Variants in PDLIM5 observed in about 807,000 individuals in gnomAD.
PDLIM5 encodes the protein PDZ and LIM domain protein 5.
Under a neutral mutation model 64.2 loss-of-function variants are expected in PDLIM5, and 34 were observed. That is an observed-to-expected ratio of 0.53 (90% CI 0.40 to 0.71). The LOEUF (loss-of-function observed/expected upper bound fraction) is 0.71, where lower values mean the gene tolerates loss of function less well. Among genes scored for constraint, PDLIM5 ranks in the 30% least tolerant of loss-of-function variants. PDLIM5 has a pLI of 0.00. For missense variants in PDLIM5, 683 were observed against 733.6 expected, an observed-to-expected ratio of 0.93 and a Z score of 0.80; for synonymous variants, 253 against 269.1, an observed-to-expected ratio of 0.94 and a Z score of 0.59.
At chr4:94,555,006 A>G (rs910148885) in intron 3 of PDLIM5, among the ~76,000 whole-genome samples, 4 of 147,388 alleles carry the variant, frequency 2.7e-5, no homozygotes, top group African/African-American at 9.7e-5. Context: ...AGCACATTTC[A>G]GGTAGGCTAA....
intron 9 of PDLIM5, among the ~76,000 whole-genome samples, chr4:94,650,688 T>C (rs1741775047): frequency 6.6e-6 from 1 of 152,222 alleles, no homozygotes; most frequent in East Asian, 1.9e-4. Context: ...GCATCAGATT[T>C]TGAGGCTAAA....
intron 2 of PDLIM5, among the ~76,000 whole-genome samples, chr4:94,499,510 A>G (rs963951522): frequency 9.9e-5 from 15 of 152,220 alleles, no homozygotes; most frequent in Admixed American, 7.9e-4. Context: ...AAAGAAAAGA[A>G]CCTAATACTG....
chr4:94,567,957 TAAG>T (rs986359236), intron 3 of PDLIM5, among the ~76,000 whole-genome samples: 6 of 152,178 alleles, frequency 3.9e-5, no homozygotes, highest in African/African-American at 1.4e-4. Context: ...GTAGAGGAGA[TAAG>T]AAGAATTTAA....
chr4:94,525,700 T>C (rs1231696599), intron 3 of PDLIM5, among the ~76,000 whole-genome samples: 1 of 152,222 alleles, frequency 6.6e-6, no homozygotes, highest in Non-Finnish European at 1.5e-5. Flanking sequence ...CAGATCTATT[T>C]TGAGGTATTG....
chr4:94,588,479 C>G (rs1364976727), intron 7 of PDLIM5, among the ~76,000 whole-genome samples: 1 of 152,064 alleles, frequency 6.6e-6, no homozygotes, highest in East Asian at 1.9e-4. Context: ...AGGAGAATCG[C>G]TTGAACCCGG....
chr4:94,494,531 C>T (rs936145565), intron 2 of PDLIM5, among the ~76,000 whole-genome samples: 1 of 145,040 alleles, frequency 6.9e-6, no homozygotes, highest in African/African-American at 2.5e-5. Context: ...CCCCTGCCTT[C>T]TGAGTTCAAG....
intron 8 of PDLIM5, among the ~76,000 whole-genome samples, chr4:94,627,351 G>C (rs572339330): frequency 6.6e-6 from 1 of 152,190 alleles, no homozygotes; most frequent in South Asian, 2.1e-4. Flanking sequence ...ATTTATTTGC[G>C]TGTTGGAAGC....
intron 2 of PDLIM5, chr4:94,456,249 A>G (rs899312806): frequency 1.3e-5 from 6 of 470,760 alleles, no homozygotes; most frequent in African/African-American, 6.0e-5. Context: ...CCCAGGCTGG[A>G]GTGCAGTGGC....
intron 7 of PDLIM5, among the ~76,000 whole-genome samples, chr4:94,601,123 A>C (rs1423887260): frequency 6.6e-6 from 1 of 152,134 alleles, no homozygotes; most frequent in Non-Finnish European, 1.5e-5. Flanking sequence ...CAAAAATATC[A>C]TGGACTGGGT....
In PDLIM5 at chr4:94,478,180, C is replaced by G. The variant is rs528640140; in HGVS notation, c.96+22796C>G. On this transcript the variant is annotated intron_variant, in intron 2 of 12. Transcript: ENST00000317968. The stretch of plus-strand genomic sequence containing the variant: ...CCGAGGCAGGAGAATTGCTTGAACC[C>G]GGGAGGCGGAGGTTGCAGTGAGCCA... Among the ~76,000 whole-genome samples, 4 of 149,118 alleles carry G rather than the reference C, an allele frequency of 2.7e-5. No homozygotes were observed. In the South Asian group the frequency reaches 8.5e-4, roughly 32 times the overall value.
At chr4:94,610,287 TATTGCTACAAAAAC>T in intron 7 of PDLIM5, 1 of 1,516,994 alleles carries the variant, frequency 6.6e-7, no homozygotes, top group Non-Finnish European at 8.8e-7. Context: ...TGTCTGCTGT[TATTGCTACAAAAAC>T]CAGGTAGAAC....
chr4:94,586,341 A>T, intron 6 of PDLIM5, 67 bp from the exon 7 acceptor site: 1 of 832,862 alleles, frequency 1.2e-6, no homozygotes, highest in Non-Finnish European at 2.0e-6. Flanking sequence ...TGGTGCAGGT[A>T]ATTGCTTAAG....
intron 3 of PDLIM5, among the ~76,000 whole-genome samples, chr4:94,561,456 TGAGAG>T (rs1733836991): frequency 6.6e-6 from 1 of 152,256 alleles, no homozygotes; most frequent in African/African-American, 2.4e-5. Context: ...ATCATTATCT[TGAGAG>T]GAGTCAGTAA....
At chr4:94,597,096 C>T (rs1459171319) in intron 7 of PDLIM5, among the ~76,000 whole-genome samples, 1 of 152,060 alleles carries the variant, frequency 6.6e-6, no homozygotes, top group Non-Finnish European at 1.5e-5. Context: ...GTTAGTGGTA[C>T]ACACTTATTT....
At chr4:94,592,785 C>T (rs1220067901) in intron 7 of PDLIM5, among the ~76,000 whole-genome samples, 1 of 152,084 alleles carries the variant, frequency 6.6e-6, no homozygotes, top group African/African-American at 2.4e-5. Flanking sequence ...CACCACCACA[C>T]CTGGCTAATT....
chr4:94,452,897 C>A (rs1057384443), intron 1 of PDLIM5, among the ~76,000 whole-genome samples: 33 of 152,238 alleles, frequency 2.2e-4, no homozygotes, highest in African/African-American at 7.5e-4. Flanking sequence ...CTGTCGGCTG[C>A]TTTCATCCTG....
At chr4:94,565,500 A>G (rs2080805348) in intron 3 of PDLIM5, among the ~76,000 whole-genome samples, 1 of 152,166 alleles carries the variant, frequency 6.6e-6, no homozygotes, top group Non-Finnish European at 1.5e-5. Flanking sequence ...GATAGTTGTA[A>G]TGGGGACCAT....
intron 8 of PDLIM5, among the ~76,000 whole-genome samples, chr4:94,618,402 A>G (rs867024297): frequency 6.6e-6 from 1 of 152,228 alleles, no homozygotes; most frequent in African/African-American, 2.4e-5. Context: ...CGCATTTGCT[A>G]TTCATAATTG....
intron 3 of PDLIM5, among the ~76,000 whole-genome samples, chr4:94,566,718 A>G (rs908013967): frequency 3.3e-5 from 5 of 152,248 alleles, no homozygotes; most frequent in Non-Finnish European, 7.3e-5. Flanking sequence ...CTGAATATGA[A>G]AGGCGGGAAC....
Sources: gnomAD v4.1 joint callset for allele counts (sites outside exome capture counted in the v4.1 genomes callset) on GRCh38, gnomAD v4.1.1 for gene constraint, MANE v1.5 for transcripts, NCBI Gene and HGNC (gene_info 2026-07-23, HGNC 2026-07-21) for gene names.